BTBD9: variants seen among roughly 807,000 people sequenced by gnomAD.
The protein encoded by BTBD9 is BTB domain containing 9.
A neutral mutation model predicts 64.3 loss-of-function variants in BTBD9; 49 were observed. That is an observed-to-expected ratio of 0.76 (90% CI 0.61 to 0.97). The LOEUF is 0.97. Ranked by LOEUF, BTBD9 falls within the 50% of genes least tolerant of loss-of-function variation. The probability of loss-of-function intolerance (pLI) is 0.00; values close to 1 mark genes in which losing one functional copy is unlikely to be tolerated. For synonymous variants in BTBD9, 260 were observed against 274.7 expected (o/e 0.95, Z 0.53); for missense variants, 598 against 762.1 (o/e 0.78, Z 2.53).
At chr6:38,297,841 C>CTTT (rs747848539) in intron 7 of BTBD9, among the ~76,000 whole-genome samples, 3 of 136,544 alleles carry the variant, frequency 2.2e-5, no homozygotes, top group African/African-American at 5.3e-5. Flanking sequence ...CTCCAGTTTT[C>CTTT]TTTTTTTTTT....
chr6:38,278,240 C>A (rs1013900908), intron 8 of BTBD9, among the ~76,000 whole-genome samples: 1 of 152,136 alleles, frequency 6.6e-6, no homozygotes, highest in Non-Finnish European at 1.5e-5. Context: ...AATTGCAGAA[C>A]CAATATGGGC....
chr6:38,506,460 G>C (rs530045302), intron 6 of BTBD9, among the ~76,000 whole-genome samples: 2 of 152,218 alleles, frequency 1.3e-5, no homozygotes, highest in Non-Finnish European at 2.9e-5. Flanking sequence ...TGGCTGAGCT[G>C]CAGGGCTTGC....
intron 6 of BTBD9, among the ~76,000 whole-genome samples, chr6:38,515,840 A>G (rs936465176): frequency 6.6e-6 from 1 of 152,232 alleles, no homozygotes; most frequent in East Asian, 1.9e-4. Context: ...TACTTGACGC[A>G]CCAAAAATTA....
At chr6:38,575,956 A>T (rs998683572) in intron 6 of BTBD9, among the ~76,000 whole-genome samples, 1 of 152,174 alleles carries the variant, frequency 6.6e-6, no homozygotes, top group Non-Finnish European at 1.5e-5. Flanking sequence ...GGTAAAGTAT[A>T]TTTTCTAAAA....
intron 7 of BTBD9, among the ~76,000 whole-genome samples, chr6:38,297,281 G>C (rs1170471188): frequency 6.6e-6 from 1 of 152,182 alleles, no homozygotes; most frequent in African/African-American, 2.4e-5. Context: ...CAGGATAATC[G>C]TTTGAACACG....
At chr6:38,504,213 C>A (rs1021013970) in intron 6 of BTBD9, among the ~76,000 whole-genome samples, 1 of 152,180 alleles carries the variant, frequency 6.6e-6, no homozygotes, top group Non-Finnish European at 1.5e-5. Flanking sequence ...CTGCATACGG[C>A]TAGAGAAAAA....
At chr6:38,558,142 C>T (rs755328309) in intron 6 of BTBD9, among the ~76,000 whole-genome samples, 4 of 151,982 alleles carry the variant, frequency 2.6e-5, no homozygotes, top group Non-Finnish European at 5.9e-5. Flanking sequence ...TATGTGCCTG[C>T]AGTCCTAGCT....
Position 38,531,889 on chromosome 6 carries a change from T to A in BTBD9, c.1154+45711A>T, listed in dbSNP as rs570189863. Among the ~76,000 whole-genome samples the A allele has an allele frequency of 3.9e-5, 6 of 152,226 alleles. No homozygotes were observed. The East Asian group carries it at 7.7e-4, about 20-fold the overall frequency. ...GAGAAGGCACAGCAAGATGGCTGAATAAAAGGCTCCACTGATTACCCCCAC... is the reference window on the plus strand; with the variant it reads ...GAGAAGGCACAGCAAGATGGCTGAAAAAAAGGCTCCACTGATTACCCCCAC... On this transcript the variant is annotated intron_variant, in intron 6 of 10. Transcript: ENST00000481247.
intron 1 of BTBD9, among the ~76,000 whole-genome samples, chr6:38,612,468 A>G (rs978574233): frequency 7.2e-5 from 11 of 152,230 alleles, no homozygotes; most frequent in Non-Finnish European, 1.5e-4. Flanking sequence ...CTCCTTCTCC[A>G]AACACTCCCT....
chr6:38,452,284 A>G (rs1582453137), intron 6 of BTBD9, among the ~76,000 whole-genome samples: 2 of 152,228 alleles, frequency 1.3e-5, no homozygotes, highest in South Asian at 2.1e-4. Flanking sequence ...CTAAGGGATT[A>G]ATTTGGGATT....
At chr6:38,192,471 T>A (rs774752829) in intron 10 of BTBD9, 48 bp downstream of exon 10, 1 of 1,494,380 alleles carries the variant, frequency 6.7e-7, no homozygotes, top group South Asian at 1.1e-5. Flanking sequence ...AGCATTTACC[T>A]GTACATCATG....
At chr6:38,372,630 G>A (rs555364393) in intron 6 of BTBD9, among the ~76,000 whole-genome samples, 10 of 152,248 alleles carry the variant, frequency 6.6e-5, no homozygotes, top group East Asian at 3.9e-4. Flanking sequence ...TGTTCTTGTC[G>A]TTTTCAGCAC....
At chr6:38,402,979 G>A (rs1046344472) in intron 6 of BTBD9, 1 of 607,326 alleles carries the variant, frequency 1.6e-6, no homozygotes, top group Non-Finnish European at 2.9e-6. Context: ...TGGTTAAGGT[G>A]GGAGAATTGC....
chr6:38,626,953 GA>G (rs1778189123), intron 1 of BTBD9, among the ~76,000 whole-genome samples: 1 of 152,144 alleles, frequency 6.6e-6, no homozygotes, highest in Non-Finnish European at 1.5e-5. Context: ...AATTACCACT[GA>G]AATAAATGGC....
intron 6 of BTBD9, among the ~76,000 whole-genome samples, chr6:38,499,496 GTATT>G (rs1334327947): frequency 2.0e-5 from 3 of 152,066 alleles, no homozygotes; most frequent in Non-Finnish European, 4.4e-5. Context: ...CTGAAGCAGG[GTATT>G]TATTTGTTAT....
At chr6:38,462,258 T>C (rs999187170) in intron 6 of BTBD9, among the ~76,000 whole-genome samples, 2 of 152,222 alleles carry the variant, frequency 1.3e-5, no homozygotes, top group African/African-American at 4.8e-5. Context: ...AGGTTTTCTC[T>C]TACGTTTTCT....
At chr6:38,374,911 G>A (rs1012086162) in intron 6 of BTBD9, among the ~76,000 whole-genome samples, 1 of 152,222 alleles carries the variant, frequency 6.6e-6, no homozygotes, top group Non-Finnish European at 1.5e-5. Context: ...TCCAAAAACA[G>A]AAGGCAGTCA....
intron 6 of BTBD9, among the ~76,000 whole-genome samples, chr6:38,348,448 A>G (rs188056726): frequency 6.6e-6 from 1 of 152,334 alleles, no homozygotes; most frequent in Admixed American, 6.5e-5. Flanking sequence ...GCTGAAAAAT[A>G]GAACAGATAT....
intron 9 of BTBD9, among the ~76,000 whole-genome samples, chr6:38,214,589 C>T (rs573094875): frequency 6.6e-6 from 1 of 152,232 alleles, no homozygotes; most frequent in South Asian, 2.1e-4. Flanking sequence ...AGAGCGAAAA[C>T]AGGGAGGAGG....
Sources: gnomAD v4.1 joint callset for allele counts (sites outside exome capture counted in the v4.1 genomes callset) on GRCh38, gnomAD v4.1.1 for gene constraint, MANE v1.5 for transcripts, NCBI Gene and HGNC (gene_info 2026-07-23, HGNC 2026-07-21) for gene names.